The following GINS1 variants were observed in gnomAD, a reference collection of about 807,000 sequenced individuals.
The protein encoded by GINS1 is GINS complex subunit 1.
Under a neutral mutation model 34.9 loss-of-function variants are expected in GINS1, and 26 were observed. The ratio of observed to expected loss-of-function variants is 0.74; its 90% confidence interval spans 0.55 to 1.03. The LOEUF (loss-of-function observed/expected upper bound fraction) is 1.03. Ranked by LOEUF, GINS1 falls within the 50% of genes least tolerant of loss-of-function variation. The pLI is 0.00. For synonymous variants in GINS1, 97 were observed against 84.4 expected (o/e 1.15, Z -0.82); for missense variants, 235 against 237.9 (o/e 0.99, Z 0.08).
chr20:25,410,593 G>A (rs1008428809), intron 1 of GINS1, among the ~76,000 whole-genome samples: 13 of 151,812 alleles, frequency 8.6e-5, no homozygotes, highest in African/African-American at 2.4e-4. Context: ...TGGGAGTTTC[G>A]CTCCTGTGGC....
chr20:25,424,411 G>A (rs973341040), intron 4 of GINS1, among the ~76,000 whole-genome samples: 3 of 152,036 alleles, frequency 2.0e-5, no homozygotes, highest in Non-Finnish European at 4.4e-5. Flanking sequence ...CTGTGAATAT[G>A]GTATTATTTA....
At chr20:25,444,585 G>T (rs1255982960) in intron 6 of GINS1, among the ~76,000 whole-genome samples, 1 of 152,174 alleles carries the variant, frequency 6.6e-6, no homozygotes, top group African/African-American at 2.4e-5. Flanking sequence ...GGCTACTGAG[G>T]TTACATTTTG....
chr20:25,423,452 C>CTTTTCTTTTTTTTTTTTTTTTT (rs1568802527), intron 4 of GINS1, among the ~76,000 whole-genome samples: 2 of 29,992 alleles, frequency 6.7e-5, no homozygotes, highest in African/African-American at 1.2e-4. Flanking sequence ...TTTTTCTTTT[C>CTTTTCTTTTTTTTTTTTTTTTT]TTTTTTTTTT....
intron 5 of GINS1, among the ~76,000 whole-genome samples, chr20:25,434,830 C>T (rs2090445791): frequency 1.3e-5 from 2 of 152,210 alleles, no homozygotes; most frequent in South Asian, 4.1e-4. Context: ...CTACACTCTG[C>T]TTCCAATGTG....
intron 3 of GINS1, among the ~76,000 whole-genome samples, chr20:25,417,701 C>G (rs1252849774): frequency 6.6e-6 from 1 of 152,032 alleles, no homozygotes; most frequent in Non-Finnish European, 1.5e-5. Flanking sequence ...ACTAAAAATA[C>G]AAAAATTAGC....
At chr20:25,439,699 A>AATAAT in intron 5 of GINS1, among the ~76,000 whole-genome samples, 1 of 152,260 alleles carries the variant, frequency 6.6e-6, no homozygotes, top group South Asian at 2.1e-4. Flanking sequence ...TCATGATACT[A>AATAAT]AAAATTATTA....
chr20:25,421,378 G>T (rs535762413), intron 4 of GINS1, among the ~76,000 whole-genome samples: 16 of 152,216 alleles, frequency 1.1e-4, no homozygotes, highest in Non-Finnish European at 1.9e-4. Context: ...TGAAACAGAT[G>T]ATCATGTGTT....
chr20:25,443,880 G>A (rs2090496226), intron 6 of GINS1, among the ~76,000 whole-genome samples: 1 of 152,046 alleles, frequency 6.6e-6, no homozygotes, highest in South Asian at 2.1e-4. Flanking sequence ...CACAGTTGAT[G>A]GTTGGTATTA....
chr20:25,431,629 G>C (rs2090427583), intron 5 of GINS1, among the ~76,000 whole-genome samples: 1 of 144,746 alleles, frequency 6.9e-6, no homozygotes, highest in African/African-American at 2.6e-5. Flanking sequence ...GTAGTGCAGT[G>C]TCACAATCTC....
intron 6 of GINS1, among the ~76,000 whole-genome samples, chr20:25,445,092 T>A (rs150114360): frequency 1.3e-5 from 2 of 152,356 alleles, no homozygotes; most frequent in East Asian, 3.9e-4. Context: ...TTCAGAAGTC[T>A]TAGTTGAATT....
chr20:25,429,160 T>C (rs2090413075), intron 5 of GINS1, among the ~76,000 whole-genome samples: 1 of 151,794 alleles, frequency 6.6e-6, no homozygotes, highest in Non-Finnish European at 1.5e-5. Context: ...GGCTAATTTT[T>C]TATAGTTTTA....
At chr20:25,428,969 CTTTTTT>C (rs77113924) in intron 5 of GINS1, among the ~76,000 whole-genome samples, 59 of 127,474 alleles carry the variant, frequency 4.6e-4, no homozygotes, top group African/African-American at 1.4e-3. Context: ...ATTCCTCTCT[CTTTTTT>C]TTTTTTTTTT....
rs565103511 is a variant in GINS1 at position 25,410,169 on chromosome 20, G to A, written c.75+2274G>A. On this transcript the variant is annotated intron_variant, in intron 1 of 6. Coordinates refer to ENST00000262460, the MANE Select transcript of GINS1 (RefSeq NM_021067.5). ...ATCCTGGCTAACATGGTGAAACCCC[G>A]TATCTACTAAAAATACAAAAAATTA... is the stretch of plus-strand genomic sequence containing the variant. 1.1e-3 allele frequency among the ~76,000 whole-genome samples: 174 copies of A among 151,990 alleles called. 1 individual carries two copies. Among genetic ancestry groups the A allele is most frequent in the African/African-American group, 4.0e-3 (165 of 41,466 alleles).
chr20:25,445,880 A>C (rs760948556), intron 6 of GINS1, 43 bp from the exon 7 acceptor site: 2 of 1,172,062 alleles, frequency 1.7e-6, no homozygotes, highest in South Asian at 2.6e-5. Flanking sequence ...TTCTTTCCCA[A>C]TCATTTATTT....
chr20:25,420,770 A>T, intron 4 of GINS1: 1 of 605,690 alleles, frequency 1.7e-6, no homozygotes, highest in Non-Finnish European at 2.0e-6. Context: ...AGAGAGAGTG[A>T]GACCCTGTCT....
intron 3 of GINS1, among the ~76,000 whole-genome samples, chr20:25,417,865 A>T (rs574424684): frequency 6.6e-6 from 1 of 152,300 alleles, no homozygotes; most frequent in South Asian, 2.1e-4. Context: ...AAACAAAAAA[A>T]GGCGGGGGAA....
chr20:25,444,850 C>T (rs1057506048), intron 6 of GINS1, among the ~76,000 whole-genome samples: 3 of 152,150 alleles, frequency 2.0e-5, no homozygotes, highest in Non-Finnish European at 2.9e-5. Context: ...AGCACCCACG[C>T]GGTGGGTCAT....
Position 25,421,060 on chromosome 20 carries a change from G to C in GINS1, c.330+2865G>C. On this transcript the variant is annotated intron_variant, in intron 4 of 6. Transcript: ENST00000262460. Reference sequence around the variant, plus strand: ...TAGGTATCTGTATTACCCAAGGATAGTGCTTCAATGGGTGACTGAAGCACA... The same window carrying C: ...TAGGTATCTGTATTACCCAAGGATACTGCTTCAATGGGTGACTGAAGCACA... 6.7e-6 allele frequency: 4 copies of C among 595,234 alleles called. No homozygotes were observed. In the South Asian group the frequency reaches 3.0e-4, roughly 44 times the overall value. The allele number at this position is 595,234 out of a possible 1,614,324, so 36.9% of individuals were successfully genotyped here. A position where few individuals can be genotyped will look rare whatever the true frequency, so the allele number is the denominator to read the frequency against.
chr20:25,431,719 C>T (rs2090427991), intron 5 of GINS1, among the ~76,000 whole-genome samples: 1 of 151,130 alleles, frequency 6.6e-6, no homozygotes, highest in South Asian at 2.1e-4. Context: ...TGTAGGGGTG[C>T]GCCACCACGC....
Sources: allele counts gnomAD v4.1 joint callset (sites outside exome capture counted in the v4.1 genomes callset), GRCh38; gene constraint gnomAD v4.1.1; transcripts MANE v1.5; gene names NCBI Gene and HGNC (gene_info 2026-07-23, HGNC 2026-07-21).